Variants in ATF6 observed in about 807,000 individuals in gnomAD.
The protein encoded by ATF6 is cyclic AMP-dependent transcription factor ATF-6 alpha.
Under a neutral mutation model 83.6 loss-of-function variants are expected in ATF6, and 53 were observed. The observed-to-expected ratio is 0.63, with a 90% CI of 0.51 to 0.80. ATF6 has a LOEUF of 0.80. Among genes scored for constraint, ATF6 ranks in the 30% least tolerant of loss-of-function variants. ATF6 has a pLI of 0.00. For missense variants in ATF6, 744 were observed against 797.9 expected, an observed-to-expected ratio of 0.93 and a Z score of 0.81; for synonymous variants, 288 against 285.8, an observed-to-expected ratio of 1.01 and a Z score of -0.08.
At chr1:161,880,993 A>C (rs946991964) in intron 14 of ATF6, among the ~76,000 whole-genome samples, 4 of 152,120 alleles carry the variant, frequency 2.6e-5, no homozygotes, top group African/African-American at 9.7e-5. Flanking sequence ...CATTTCCCTA[A>C]TAACTATATT....
chr1:161,801,968 C>A, intron 6 of ATF6, 84 bp from the exon 7 acceptor site: 1 of 1,277,548 alleles, frequency 7.8e-7, no homozygotes, highest in Non-Finnish European at 1.1e-6. Context: ...CCCATTACGT[C>A]TGCAGAAAAG....
chr1:161,935,652 T>C (rs1688521840), intron 15 of ATF6, among the ~76,000 whole-genome samples: 1 of 152,268 alleles, frequency 6.6e-6, no homozygotes, highest in Admixed American at 6.5e-5. Context: ...GTTTTCGCCA[T>C]TTTAATGGCA....
chr1:161,951,154 G>A (rs1335786113), intron 15 of ATF6, among the ~76,000 whole-genome samples: 1 of 152,182 alleles, frequency 6.6e-6, no homozygotes, highest in Non-Finnish European at 1.5e-5. Flanking sequence ...GGCATAGGCT[G>A]CTAAATTTCC....
intron 14 of ATF6, among the ~76,000 whole-genome samples, chr1:161,876,387 A>G (rs567054634): frequency 6.6e-6 from 1 of 152,118 alleles, no homozygotes; most frequent in East Asian, 1.9e-4. Flanking sequence ...AGCAAGGTCG[A>G]TTATCCACAA....
At chr1:161,935,860 G>A (rs764257761) in intron 15 of ATF6, among the ~76,000 whole-genome samples, 43 of 152,160 alleles carry the variant, frequency 2.8e-4, no homozygotes, top group South Asian at 4.1e-4. Flanking sequence ...TAAAGAAACG[G>A]AATTGATTAT....
chr1:161,781,632 T>C (rs1684636967), intron 2 of ATF6, among the ~76,000 whole-genome samples: 1 of 152,220 alleles, frequency 6.6e-6, no homozygotes, highest in African/African-American at 2.4e-5. Context: ...ACTCCTGTAA[T>C]GGTCATTCTC....
chr1:161,868,451 C>G (rs2101845182), intron 14 of ATF6, among the ~76,000 whole-genome samples: 1 of 152,020 alleles, frequency 6.6e-6, no homozygotes, highest in Middle Eastern at 3.4e-3. Flanking sequence ...GTATTGGTTC[C>G]TAATTGTTTG....
intron 4 of ATF6, among the ~76,000 whole-genome samples, chr1:161,790,613 C>T (rs1295254396): frequency 6.6e-6 from 1 of 152,094 alleles, no homozygotes; most frequent in East Asian, 1.9e-4. Flanking sequence ...AGTTTTAGAG[C>T]AGCCCAGCCA....
intron 14 of ATF6, among the ~76,000 whole-genome samples, chr1:161,886,536 A>T (rs555040499): frequency 5.3e-5 from 8 of 152,176 alleles, no homozygotes; most frequent in Non-Finnish European, 8.8e-5. Context: ...TTATTTTTTC[A>T]TATGGAAAAC....
chr1:161,884,581 A>G (rs1221014151), intron 14 of ATF6, among the ~76,000 whole-genome samples: 2 of 152,128 alleles, frequency 1.3e-5, no homozygotes, highest in African/African-American at 2.4e-5. Flanking sequence ...AAGAAATTCA[A>G]TAATTTTCTG....
At chr1:161,846,701 T>C in intron 10 of ATF6, 121 bp downstream of exon 10, 1 of 969,486 alleles carries the variant, frequency 1.0e-6, no homozygotes, top group South Asian at 3.0e-5. Context: ...GTAGAACACA[T>C]AAATTACTGA....
intron 10 of ATF6, among the ~76,000 whole-genome samples, chr1:161,849,372 C>G (rs1686560457): frequency 6.6e-6 from 1 of 152,148 alleles, no homozygotes. Context: ...GAAGAATGTT[C>G]TATATATCCT....
chr1:161,810,969 A>G (rs954444732), intron 7 of ATF6, among the ~76,000 whole-genome samples: 1 of 152,030 alleles, frequency 6.6e-6, no homozygotes, highest in Non-Finnish European at 1.5e-5. Context: ...ATAATATTCT[A>G]TTATATGGAT....
intron 15 of ATF6, among the ~76,000 whole-genome samples, chr1:161,925,549 C>G (rs1339227348): frequency 6.6e-6 from 1 of 152,168 alleles, no homozygotes; most frequent in Non-Finnish European, 1.5e-5. Flanking sequence ...ACCCAGAATA[C>G]TCCAAACTTT....
Position 161,819,783 on chromosome 1 carries a change from A to T in ATF6, c.1060A>T (p.Thr354Ser), listed in dbSNP as rs1685706070. ...ENEQLKKENGTLKRQLDEVVS... is the reference protein window; with the variant it reads ...ENEQLKKENGSLKRQLDEVVS... ...CGAGCAACTGAAGAAAGAAAATGGA[A>T]CACTGAAGCGGCAGCTGGATGAAGT... The change falls in exon 8 of 16, where the codon ACA becomes TCA. Residue 354 changes from threonine to serine, a missense_variant. Thr to Ser is a moderately conservative substitution (Grantham distance 58, BLOSUM62 1). Coordinates refer to ENST00000367942, the MANE Select transcript of ATF6 (RefSeq NM_007348.4). 6.2e-7 allele frequency: 1 copy of T among 1,611,220 alleles called. No individual in the cohort carries two copies. Among genetic ancestry groups the T allele is most frequent in the Non-Finnish European group, 8.5e-7 (1 of 1,178,774 alleles).
At chr1:161,870,187 TTGTTTGTTTGTTAATTACCTGATTA>T (rs1407675834) in intron 14 of ATF6, among the ~76,000 whole-genome samples, 5 of 151,716 alleles carry the variant, frequency 3.3e-5, no homozygotes, top group African/African-American at 1.2e-4. Context: ...ACTTCAAAAA[TTGTTTGTTTGTTAATTACCTGATTA>T]TGTTTGTTTG....
chr1:161,856,147 G>A (rs1369061084), intron 12 of ATF6, among the ~76,000 whole-genome samples: 1 of 152,154 alleles, frequency 6.6e-6, no homozygotes. Context: ...TACATTAAAA[G>A]GATAACAAGA....
chr1:161,954,226 C>T (rs779789862), intron 15 of ATF6, among the ~76,000 whole-genome samples: 1 of 152,212 alleles, frequency 6.6e-6, no homozygotes, highest in South Asian at 2.1e-4. Context: ...GACATTCTAC[C>T]ACTTCCTTGT....
At chr1:161,832,409 C>T (rs1282631592) in intron 9 of ATF6, among the ~76,000 whole-genome samples, 2 of 152,076 alleles carry the variant, frequency 1.3e-5, no homozygotes, top group Non-Finnish European at 2.9e-5. Flanking sequence ...ACAGTGGGTG[C>T]AGGACAGTGG....
Sources: allele counts gnomAD v4.1 joint callset (sites outside exome capture counted in the v4.1 genomes callset), GRCh38; gene constraint gnomAD v4.1.1; transcripts MANE v1.5; gene names NCBI Gene and HGNC (gene_info 2026-07-23, HGNC 2026-07-21).